TMEM272: variants seen among roughly 807,000 people sequenced by gnomAD.
The protein encoded by TMEM272 is long intergenic non-protein coding RNA 282.
TMEM272 carries 8 observed loss-of-function variants against 3.7 expected under a neutral mutation model. That is an observed-to-expected ratio of 2.17 (90% confidence interval 1.27 to 3.91). The LOEUF (loss-of-function observed/expected upper bound fraction) is 3.91. Ranked by LOEUF, TMEM272 falls within the 30% of genes most tolerant of loss-of-function variation. TMEM272 has a pLI of 0.00. For synonymous variants in TMEM272, 63 were observed against 39.8 expected (o/e 1.58, Z -2.20); for missense variants, 166 against 91.5 (o/e 1.81, Z -3.32).
At chr13:51,870,389 T>C in the TMEM272 span, among the ~76,000 whole-genome samples, 1 of 152,024 alleles carries the variant, frequency 6.6e-6, no homozygotes, top group Non-Finnish European at 1.5e-5. Flanking sequence ...AGAAGCTTTA[T>C]GAGAGGAGGA....
the TMEM272 span, chr13:51,908,472 G>C: frequency 6.5e-7 from 1 of 1,529,882 alleles, no homozygotes; most frequent in African/African-American, 1.4e-5. Flanking sequence ...AGGAGGTGGA[G>C]GGAAAGGAGG....
intron 4 of TMEM272, among the ~76,000 whole-genome samples, chr13:51,819,740 G>A (rs564014660): frequency 9.8e-5 from 15 of 152,340 alleles, no homozygotes; most frequent in Non-Finnish European, 1.3e-4. Context: ...GGGCAGAGCC[G>A]TCAGCATGGC....
chr13:51,866,608 G>C, the TMEM272 span, among the ~76,000 whole-genome samples: 1 of 152,196 alleles, frequency 6.6e-6, no homozygotes, highest in Admixed American at 6.5e-5. Context: ...AGGGCATGTG[G>C]AGGACACAGG....
rs531476012 is a variant in TMEM272 at position 51,842,767 on chromosome 13, C to T, written c.-24+2249G>A. On this transcript the variant is annotated intron_variant, in intron 1 of 4. Coordinates refer to ENST00000629372, the MANE Select transcript of TMEM272 (RefSeq NM_001351003.2). ...TTCTGTTACCATTTGGTCTTCAGAA[C>T]TCTCATTTTCACAGCTGAATTATAT... Among the ~76,000 whole-genome samples, 5 of 152,318 alleles carry T rather than the reference C, an allele frequency of 3.3e-5. 1 individual carries two copies. In the South Asian group the frequency reaches 8.3e-4, roughly 25 times the overall value.
intron 4 of TMEM272, among the ~76,000 whole-genome samples, chr13:51,817,451 G>C (rs1190971176): frequency 6.6e-6 from 1 of 152,182 alleles, no homozygotes; most frequent in Non-Finnish European, 1.5e-5. Flanking sequence ...ACTCTCTCCT[G>C]TATTGTGCTA....
At chr13:51,829,054 T>A (rs1038812256) in intron 2 of TMEM272, among the ~76,000 whole-genome samples, 1 of 152,222 alleles carries the variant, frequency 6.6e-6, no homozygotes, top group Non-Finnish European at 1.5e-5. Context: ...GTGGGTAGAA[T>A]ACACCCATAT....
the TMEM272 span, among the ~76,000 whole-genome samples, chr13:51,911,456 T>A: frequency 6.6e-6 from 1 of 152,202 alleles, no homozygotes; most frequent in Non-Finnish European, 1.5e-5. Context: ...CTGCTCTGTG[T>A]CCATTTCTGA....
intron 3 of TMEM272, among the ~76,000 whole-genome samples, chr13:51,824,375 C>A (rs934751670): frequency 2.0e-5 from 3 of 152,184 alleles, no homozygotes; most frequent in African/African-American, 7.2e-5. Flanking sequence ...TAAAATATCT[C>A]AACAAAAATT....
chr13:51,820,947 A>G (rs1345966630), intron 4 of TMEM272, among the ~76,000 whole-genome samples: 1 of 152,226 alleles, frequency 6.6e-6, no homozygotes, highest in Non-Finnish European at 1.5e-5. Context: ...CCTCAAACAC[A>G]AAAGCCTCCT....
the TMEM272 span, chr13:51,933,378 T>G: frequency 6.6e-6 from 1 of 152,218 alleles, no homozygotes; most frequent in African/African-American, 2.4e-5. Flanking sequence ...AGACGTAATC[T>G]ATCAAAAGTG....
chr13:51,884,490 T>C, the TMEM272 span, among the ~76,000 whole-genome samples: 1 of 152,218 alleles, frequency 6.6e-6, no homozygotes, highest in Admixed American at 6.5e-5. Context: ...CCTAAAGCAG[T>C]GTACTAATGT....
the TMEM272 span, chr13:51,909,459 T>C: frequency 1.1e-6 from 1 of 886,504 alleles, no homozygotes; most frequent in Non-Finnish European, 1.9e-6. Context: ...TTCATTTTCT[T>C]GATATAACTC....
chr13:51,887,395 C>G, the TMEM272 span, among the ~76,000 whole-genome samples: 174 of 152,246 alleles, frequency 1.1e-3, no homozygotes, highest in African/African-American at 4.0e-3. Flanking sequence ...AAAGGAGAAC[C>G]AAGGGAAACA....
At chr13:51,885,772 ACAGT>A in the TMEM272 span, among the ~76,000 whole-genome samples, 1 of 152,220 alleles carries the variant, frequency 6.6e-6, no homozygotes, top group Non-Finnish European at 1.5e-5. Context: ...TTGTATATAG[ACAGT>A]CAGACTCTGG....
intron 2 of TMEM272, among the ~76,000 whole-genome samples, chr13:51,834,910 G>A (rs1303913705): frequency 6.6e-6 from 1 of 152,232 alleles, no homozygotes; most frequent in Non-Finnish European, 1.5e-5. Context: ...CCTCCAGGGT[G>A]GCAGCAGGCT....
At chr13:51,910,000 T>C in the TMEM272 span, 1 of 1,546,616 alleles carries the variant, frequency 6.5e-7, no homozygotes, top group South Asian at 1.1e-5. Context: ...GCATCTTGTA[T>C]TCCTATCTCC....
At chr13:51,866,918 A>T in the TMEM272 span, among the ~76,000 whole-genome samples, 1 of 152,148 alleles carries the variant, frequency 6.6e-6, no homozygotes, top group Admixed American at 6.5e-5. Flanking sequence ...CATCTATTTT[A>T]AAATTAAAAT....
At chr13:51,918,561 T>C in the TMEM272 span, among the ~76,000 whole-genome samples, 1 of 151,770 alleles carries the variant, frequency 6.6e-6, no homozygotes, top group Admixed American at 6.5e-5. Flanking sequence ...GATTCACTCT[T>C]AGTCTCTGTA....
chr13:51,927,238 C>T, the TMEM272 span, among the ~76,000 whole-genome samples: 1 of 152,096 alleles, frequency 6.6e-6, no homozygotes, highest in Non-Finnish European at 1.5e-5. Context: ...AATAGACGAT[C>T]CCCTCACTGC....
Sources: gnomAD v4.1 joint callset for allele counts (sites outside exome capture counted in the v4.1 genomes callset) on GRCh38, gnomAD v4.1.1 for gene constraint, MANE v1.5 for transcripts, NCBI Gene and HGNC (gene_info 2026-07-23, HGNC 2026-07-21) for gene names.